FER: variants seen among roughly 807,000 people sequenced by gnomAD.
The protein encoded by FER is FER tyrosine kinase, also known as tyrosine-protein kinase Fer.
In FER, 63 loss-of-function variants were observed where a neutral mutation model predicts 111.0. The observed-to-expected ratio is 0.57, with a 90% CI of 0.46 to 0.70. FER has a LOEUF of 0.70. FER is among the 30% of genes least tolerant of loss of function. The pLI is 0.00. For missense variants in FER, 914 were observed against 954.0 expected, an observed-to-expected ratio of 0.96 and a Z score of 0.55; for synonymous variants, 327 against 313.9, an observed-to-expected ratio of 1.04 and a Z score of -0.44.
At chr5:108,751,993 T>C (rs1343810550) in intron 1 of FER, among the ~76,000 whole-genome samples, 1 of 152,168 alleles carries the variant, frequency 6.6e-6, no homozygotes, top group Non-Finnish European at 1.5e-5. Context: ...ATTTCTTAAA[T>C]ATTAAGGGCT....
In FER at chr5:109,156,949, A is replaced by G. The variant is rs116632412; in HGVS notation, c.2049-23798A>G. Among the ~76,000 whole-genome samples, 1,139 of 152,196 alleles carry G rather than the reference A, an allele frequency of 7.5e-3. 15 individuals carry two copies. Among genetic ancestry groups the G allele is most frequent in the African/African-American group, 0.026 (1,079 of 41,544 alleles). On this transcript the variant is annotated intron_variant, in intron 17 of 19. Coordinates refer to ENST00000281092, the MANE Select transcript of FER (RefSeq NM_005246.4). ...AAGGGGCTCAAAGGTAAGATTTTTT[A>G]ATGCTCAGATGCTAATGGAGTCCAT...
At chr5:108,887,402 A>G (rs1234354136) in intron 9 of FER, among the ~76,000 whole-genome samples, 2 of 151,810 alleles carry the variant, frequency 1.3e-5, no homozygotes, top group African/African-American at 4.8e-5. Flanking sequence ...ATGAAGAGAA[A>G]AATAAACTTC....
At position 109,017,201 on chromosome 5, in the gene FER, C is replaced by G. The variant is rs139259739; in HGVS notation, c.1657-20221C>G. 5.6e-3 allele frequency among the ~76,000 whole-genome samples: 853 copies of G among 151,810 alleles called. 9 individuals carry two copies. Among genetic ancestry groups the G allele is most frequent in the African/African-American group, 0.019 (785 of 41,420 alleles). On this transcript the variant is annotated intron_variant, in intron 13 of 19. Coordinates refer to ENST00000281092, the MANE Select transcript of FER (RefSeq NM_005246.4). ...TTTATGTTGCCTTTTGAAATGTGAGCTTGAGAGGATTGCAGGGCTAATGAG... is the reference window on the plus strand; with the variant it reads ...TTTATGTTGCCTTTTGAAATGTGAGGTTGAGAGGATTGCAGGGCTAATGAG...
intron 16 of FER, among the ~76,000 whole-genome samples, chr5:109,053,298 G>A (rs147776349): frequency 0.019 from 2,890 of 149,048 alleles, 47 homozygotes; most frequent in Non-Finnish European, 0.031. Context: ...GAGGAGAATC[G>A]CTTGAACCCA....
Position 108,771,610 on chromosome 5 carries a change from C to A in FER, c.-60+3372C>A, listed in dbSNP as rs114508915. ...GCTTTCTGTATTTCTCTCTTTTCAA[C>A]ATTTATTGAAAATGTTCAGTGCCAC... On this transcript the variant is annotated intron_variant, in intron 2 of 19. Coordinates refer to ENST00000281092, the MANE Select transcript of FER (RefSeq NM_005246.4). 5.4e-3 allele frequency among the ~76,000 whole-genome samples: 815 copies of A among 152,220 alleles called. 5 individuals carry two copies. The highest frequency in any genetic ancestry group is 9.9e-3 in the Admixed American group (151 of 15,276).
intron 17 of FER, among the ~76,000 whole-genome samples, chr5:109,126,272 G>T (rs1428892765): frequency 6.6e-6 from 1 of 152,144 alleles, no homozygotes; most frequent in East Asian, 1.9e-4. Flanking sequence ...TGCACACGGA[G>T]TTAAGAACCC....
At chr5:109,063,473 G>A (rs1435329432) in intron 16 of FER, among the ~76,000 whole-genome samples, 1 of 152,132 alleles carries the variant, frequency 6.6e-6, no homozygotes, top group Non-Finnish European at 1.5e-5. Context: ...GATAAATTGA[G>A]CCAACAAAGG....
chr5:108,761,942 A>G (rs2149935630), intron 1 of FER, among the ~76,000 whole-genome samples: 1 of 152,054 alleles, frequency 6.6e-6, no homozygotes, highest in Admixed American at 6.5e-5. Flanking sequence ...ATGGAGTCTC[A>G]CTTTGCCACC....
chr5:108,867,750 G>A lies in FER; in HGVS notation c.482-17G>A, dbSNP rs1162256435. ...CTTATCTCTTTACTAACTTTCTTCA[G>A]TTTTTTTTTTTTTCAGGGAAGGAAA... On this transcript the variant is annotated splice_polypyrimidine_tract_variant and intron_variant, in intron 5 of 19. Transcript: ENST00000281092. 11 of 1,505,216 alleles carry A rather than the reference G, an allele frequency of 7.3e-6. No individual in the cohort carries two copies. Among genetic ancestry groups the A allele is most frequent in the Admixed American group, 2.1e-5 (1 of 47,778 alleles). 93.2% of individuals were successfully genotyped at this position (1,505,216 alleles called of 1,614,324 possible).
chr5:108,960,629 C>T (rs1200427104), intron 13 of FER, among the ~76,000 whole-genome samples: 1 of 151,998 alleles, frequency 6.6e-6, no homozygotes, highest in East Asian at 1.9e-4. Context: ...GATATTTTCT[C>T]TTTAGTCAAA....
At chr5:108,853,001 C>T (rs555071125) in intron 5 of FER, among the ~76,000 whole-genome samples, 15 of 152,128 alleles carry the variant, frequency 9.9e-5, no homozygotes, top group African/African-American at 3.4e-4. Flanking sequence ...AAGCTAAGTT[C>T]TACACATGAA....
intron 1 of FER, among the ~76,000 whole-genome samples, chr5:108,758,772 A>T (rs772294663): frequency 6.6e-6 from 1 of 152,212 alleles, no homozygotes; most frequent in Non-Finnish European, 1.5e-5. Context: ...TTGGCCTGAG[A>T]TTCACAATGG....
intron 9 of FER, among the ~76,000 whole-genome samples, chr5:108,893,711 C>T (rs555655167): frequency 1.5e-4 from 23 of 151,962 alleles, no homozygotes; most frequent in African/African-American, 5.6e-4. Flanking sequence ...AGCAACAAGA[C>T]AAAAGGCAAC....
At chr5:108,865,064 G>A (rs531224496) in intron 5 of FER, among the ~76,000 whole-genome samples, 13 of 148,966 alleles carry the variant, frequency 8.7e-5, no homozygotes, top group South Asian at 4.3e-4. Flanking sequence ...TCCTTGAAGA[G>A]GTCCTTCACG....
At chr5:109,167,135 A>G (rs759015995) in intron 17 of FER, among the ~76,000 whole-genome samples, 2 of 152,198 alleles carry the variant, frequency 1.3e-5, no homozygotes, top group Non-Finnish European at 1.5e-5. Flanking sequence ...TAGTTTATCT[A>G]TATCTGCAGT....
chr5:109,130,792 C>A (rs1281308326), intron 17 of FER, among the ~76,000 whole-genome samples: 1 of 151,986 alleles, frequency 6.6e-6, no homozygotes, highest in Admixed American at 6.6e-5. Context: ...GGCTGCCATA[C>A]CAAACAGCAC....
At position 108,811,165 on chromosome 5, in the gene FER, C is replaced by T. The variant is rs73207532; in HGVS notation, c.207+12776C>T. Among the ~76,000 whole-genome samples the T allele has an allele frequency of 7.4e-3, 1,128 of 152,088 alleles. 16 individuals carry two copies. Among genetic ancestry groups the T allele is most frequent in the African/African-American group, 0.026 (1,064 of 41,480 alleles). On this transcript the variant is annotated intron_variant, in intron 3 of 19. Transcript: ENST00000281092. ...GTGCTCTGAATGCCTGGAGATCTGC[C>T]TAGGTGTGAAGTGGAGAGGGCCTCC...
chr5:108,829,375 C>G (rs952250157), intron 3 of FER, among the ~76,000 whole-genome samples: 2 of 152,180 alleles, frequency 1.3e-5, no homozygotes, highest in Non-Finnish European at 2.9e-5. Context: ...TGGTGGCTCA[C>G]ACCTGTAATC....
At position 108,835,813 on chromosome 5, in the gene FER, G is replaced by T; in HGVS notation, c.481+6G>T. The T allele has an allele frequency of 1.3e-6, 2 of 1,497,730 alleles. No individual in the cohort carries two copies. The highest frequency in any genetic ancestry group is 4.8e-5 in the East Asian group (2 of 41,582). 92.8% of individuals were successfully genotyped at this position (1,497,730 alleles called of 1,614,324 possible). A position where few individuals can be genotyped will look rare whatever the true frequency, so the allele number is the denominator to read the frequency against. On this transcript the variant is annotated splice_donor_region_variant and intron_variant, in intron 5 of 19. Coordinates refer to ENST00000281092, the MANE Select transcript of FER (RefSeq NM_005246.4). ...TAAAGAAGCTTTAGCTAAAGGTAAGGCAAAATTTTAAAAATTGTTTACTTA... is the reference window on the plus strand; with the variant it reads ...TAAAGAAGCTTTAGCTAAAGGTAAGTCAAAATTTTAAAAATTGTTTACTTA...
Sources: gnomAD v4.1 joint callset for allele counts (sites outside exome capture counted in the v4.1 genomes callset) on GRCh38, gnomAD v4.1.1 for gene constraint, MANE v1.5 for transcripts, NCBI Gene and HGNC (gene_info 2026-07-23, HGNC 2026-07-21) for gene names.